The following PCDHGB5 variants were observed in gnomAD, a reference collection of about 807,000 sequenced individuals.
The protein encoded by PCDHGB5 is protocadherin gamma subfamily B, 5.
Under a neutral mutation model 62.9 loss-of-function variants are expected in PCDHGB5, and 48 were observed. That is an observed-to-expected ratio of 0.76 (90% CI 0.61 to 0.97). The LOEUF is 0.97. Among genes scored for constraint, PCDHGB5 ranks in the 50% least tolerant of loss-of-function variants. PCDHGB5 has a pLI of 0.00. For synonymous variants in PCDHGB5, 474 were observed against 511.2 expected, an observed-to-expected ratio of 0.93 and a Z score of 0.98; for missense variants, 1,118 against 1,198.6, an observed-to-expected ratio of 0.93 and a Z score of 0.99.
At chr5:141,427,550 C>T (rs1310933864) in intron 1 of PCDHGB5, 1 of 643,730 alleles carries the variant, frequency 1.6e-6, no homozygotes, top group East Asian at 3.2e-5. Context: ...CCATCACTGC[C>T]ACTGACAAGG....
intron 2 of PCDHGB5, among the ~76,000 whole-genome samples, chr5:141,497,540 C>CTT (rs754207034): frequency 2.8e-4 from 38 of 134,912 alleles, no homozygotes; most frequent in African/African-American, 8.9e-4. Context: ...TGCAACAAAC[C>CTT]TTTTTTTTTT....
chr5:141,485,226 T>C lies in PCDHGB5; in HGVS notation c.2398-9581T>C. ...GAAATCTGGCGGTGGGCTACCCTTT[T>C]GTTCCTCTTTTACCACCTGGGTTAC... On this transcript the variant is annotated intron_variant, in intron 1 of 3. Transcript: ENST00000617380. The surrounding 1 kb of genome is among the most constrained non-coding windows in gnomAD (Gnocchi z 5.7). 1.9e-6 allele frequency: 3 copies of C among 1,614,170 alleles called. No homozygotes were observed. Among genetic ancestry groups the C allele is most frequent in the Non-Finnish European group, 2.5e-6 (3 of 1,180,026 alleles).
At chr5:141,428,004 G>C in intron 1 of PCDHGB5, 1 of 1,601,732 alleles carries the variant, frequency 6.2e-7, no homozygotes, top group East Asian at 2.2e-5. Context: ...CGCACTCTTC[G>C]ATATAGTGCC....
At position 141,418,475 on chromosome 5, in the gene PCDHGB5, A is replaced by G; in HGVS notation, c.2397+17951A>G. On this transcript the variant is annotated intron_variant, in intron 1 of 3. Transcript: ENST00000617380. The stretch of plus-strand genomic sequence containing the variant: ...GAAGACTCTGGACCGAGAAACGCAG[A>G]GCGCTCACCACTTGGTACTGACCGC... 3 of 1,614,000 alleles carry G rather than the reference A, an allele frequency of 1.9e-6. No individual in the cohort carries two copies. Among genetic ancestry groups the G allele is most frequent in the Non-Finnish European group, 2.5e-6 (3 of 1,179,892 alleles).
intron 2 of PCDHGB5, among the ~76,000 whole-genome samples, chr5:141,499,112 A>G (rs550424495): frequency 6.6e-6 from 1 of 152,238 alleles, no homozygotes; most frequent in African/African-American, 2.4e-5. Context: ...CCCCACCACT[A>G]TCCCTTCTCA....
chr5:141,451,299 A>T (rs1016384424), intron 1 of PCDHGB5, among the ~76,000 whole-genome samples: 17 of 152,228 alleles, frequency 1.1e-4, no homozygotes, highest in African/African-American at 3.4e-4. Flanking sequence ...AAAGTCTTAC[A>T]AGGCAGCAAT....
intron 1 of PCDHGB5, chr5:141,415,512 T>C (rs997659180): frequency 1.9e-6 from 3 of 1,614,234 alleles, no homozygotes; most frequent in Non-Finnish European, 2.5e-6. Context: ...AGCCCAATTA[T>C]GCGGACACGC....
chr5:141,457,416 C>T (rs1378171092), intron 1 of PCDHGB5, among the ~76,000 whole-genome samples: 1 of 152,172 alleles, frequency 6.6e-6, no homozygotes, highest in Non-Finnish European at 1.5e-5. Flanking sequence ...ATTACCCATC[C>T]CTTTTTCCCC....
Position 141,477,782 on chromosome 5 carries a change from T to G in PCDHGB5, c.2398-17025T>G, listed in dbSNP as rs763675478. 1.2e-5 allele frequency: 20 copies of G among 1,613,902 alleles called. No individual in the cohort carries two copies. Among genetic ancestry groups the G allele is most frequent in the Non-Finnish European group, 1.7e-5 (20 of 1,180,042 alleles). ...AGCCACCAACATCAGCGTGAACATA[T>G]TTGTCACTGATCGCAATGACAATGC... On this transcript the variant is annotated intron_variant, in intron 1 of 3. Coordinates refer to ENST00000617380, the MANE Select transcript of PCDHGB5 (RefSeq NM_018925.3). The surrounding 1 kb of genome is among the most constrained non-coding windows in gnomAD (Gnocchi z 4.9).
intron 1 of PCDHGB5, chr5:141,478,378 G>A (rs1454112813): frequency 6.2e-7 from 1 of 1,613,558 alleles, no homozygotes; most frequent in Admixed American, 1.7e-5. Context: ...TGATGTCGCC[G>A]CACCTTTACC....
intron 1 of PCDHGB5, among the ~76,000 whole-genome samples, chr5:141,448,784 C>CAA (rs576464275): frequency 4.8e-5 from 7 of 145,806 alleles, no homozygotes; most frequent in East Asian, 2.0e-4. Context: ...ACTAAAAATA[C>CAA]AAAAAAAAAA....
intron 1 of PCDHGB5, among the ~76,000 whole-genome samples, chr5:141,469,492 T>C (rs1233507221): frequency 6.6e-6 from 1 of 152,038 alleles, no homozygotes; most frequent in Non-Finnish European, 1.5e-5. Flanking sequence ...GGAGAATCGC[T>C]TGAACCCGGG....
chr5:141,435,181 T>C (rs1249878603), intron 1 of PCDHGB5, among the ~76,000 whole-genome samples: 1 of 152,184 alleles, frequency 6.6e-6, no homozygotes, highest in African/African-American at 2.4e-5. Context: ...TTAACTACAC[T>C]TGAGATGGCT....
chr5:141,448,803 G>A (rs2098607666), intron 1 of PCDHGB5, among the ~76,000 whole-genome samples: 2 of 152,020 alleles, frequency 1.3e-5, no homozygotes, highest in South Asian at 4.1e-4. Flanking sequence ...AAATTAGCCA[G>A]GCGTGATGGC....
rs949391796 is a variant in PCDHGB5 at position 141,493,050 on chromosome 5, A to G, written c.2398-1757A>G. 6.6e-6 allele frequency among the ~76,000 whole-genome samples: 1 copy of G among 152,262 alleles called. No homozygotes were observed. The highest frequency in any genetic ancestry group is 2.4e-5 in the African/African-American group (1 of 41,464). On this transcript the variant is annotated intron_variant, in intron 1 of 3. Coordinates refer to ENST00000617380, the MANE Select transcript of PCDHGB5 (RefSeq NM_018925.3). The surrounding 1 kb of genome is among the most constrained non-coding windows in gnomAD (Gnocchi z 4.3). Reference sequence around the variant, plus strand: ...CCCTTATGTGTGAGGAAACTACAATAGTAAAAAACACAAGTTTCTCCAACT... The same window carrying G: ...CCCTTATGTGTGAGGAAACTACAATGGTAAAAAACACAAGTTTCTCCAACT...
intron 1 of PCDHGB5, chr5:141,421,414 C>A (rs2096570568): frequency 1.9e-6 from 3 of 1,614,066 alleles, no homozygotes; most frequent in South Asian, 2.2e-5. Flanking sequence ...GCTGGCGAAG[C>A]GCGGAGTCCG....
Position 141,399,106 on chromosome 5 carries a change from T to C in PCDHGB5, c.979T>C (p.Cys327Arg). 2 of 1,613,784 alleles carry C rather than the reference T, an allele frequency of 1.2e-6. No individual in the cohort carries two copies. The highest frequency in any genetic ancestry group is 1.7e-6 in the Non-Finnish European group (2 of 1,179,880). Residue 327 changes from cysteine to arginine, a missense_variant, in exon 1 of 4, where the codon TGT (cysteine) becomes CGT (arginine). Physicochemically the swap from Cys to Arg is radical, Grantham distance 180. Transcript: ENST00000617380. ...GGATGGTGGTGGACTGGTTGCACAATGTACAGTTGAAATTAATATTCAAGA... is the reference window on the plus strand; with the variant it reads ...GGATGGTGGTGGACTGGTTGCACAACGTACAGTTGAAATTAATATTCAAGA... The part of the protein sequence containing the change: ...GRDGGGLVAQ[C>R]TVEINIQDEN...
chr5:141,400,420 T>C lies in PCDHGB5; in HGVS notation c.2293T>C (p.Cys765Arg), dbSNP rs1323719998. The C allele has an allele frequency of 6.2e-7, 1 of 1,613,936 alleles. No individual in the cohort carries two copies. Among genetic ancestry groups the C allele is most frequent in the Non-Finnish European group, 8.5e-7 (1 of 1,179,916 alleles). ...AAAGACGGAGTTTAATTTCCTAAAATGTAGTGAGCAATTGAGTTCAGGACA... is the reference window on the plus strand; with the variant it reads ...AAAGACGGAGTTTAATTTCCTAAAACGTAGTGAGCAATTGAGTTCAGGACA... ...TGKTEFNFLKCSEQLSSGQDI... is the reference protein window; with the variant it reads ...TGKTEFNFLKRSEQLSSGQDI... The change falls in exon 1 of 4, where the codon TGT (cysteine) becomes CGT (arginine). Residue 765 changes from cysteine to arginine, a missense_variant. By Grantham distance (180) the Cys-to-Arg change is radical (BLOSUM62 -3). This residue lies in a region of PCDHGB5 where 1,034 missense variants were observed against 1,029.1 expected (regional missense o/e 1.00). Coordinates refer to ENST00000617380, the MANE Select transcript of PCDHGB5 (RefSeq NM_018925.3).
intron 1 of PCDHGB5, chr5:141,428,284 G>A (rs762469333): frequency 4.2e-5 from 31 of 734,822 alleles, no homozygotes. Flanking sequence ...TGATTCCCAA[G>A]CAAAGCTGCA....
Sources: allele counts gnomAD v4.1 joint callset (sites outside exome capture counted in the v4.1 genomes callset), GRCh38; gene constraint gnomAD v4.1.1; regional missense constraint gnomAD v4.1.1; non-coding constraint Gnocchi (gnomAD v3.1); transcripts MANE v1.5; gene names NCBI Gene and HGNC (gene_info 2026-07-23, HGNC 2026-07-21).